The following SLC22A23 variants were observed in gnomAD, a reference collection of about 807,000 sequenced individuals.
SLC22A23 encodes the protein ion transporter protein.
Under a neutral mutation model 61.0 loss-of-function variants are expected in SLC22A23, and 26 were observed. The observed-to-expected ratio is 0.43, with a 90% CI of 0.31 to 0.59. The LOEUF (loss-of-function observed/expected upper bound fraction) is 0.59. SLC22A23 is among the 20% of genes least tolerant of loss of function. SLC22A23 has a pLI of 0.11. For missense variants in SLC22A23, 796 were observed against 934.7 expected, an observed-to-expected ratio of 0.85 and a Z score of 1.94; for synonymous variants, 430 against 413.9, an observed-to-expected ratio of 1.04 and a Z score of -0.47.
intron 4 of SLC22A23, among the ~76,000 whole-genome samples, chr6:3,319,545 G>A (rs751005829): frequency 6.6e-6 from 1 of 152,204 alleles, no homozygotes; most frequent in Non-Finnish European, 1.5e-5. Flanking sequence ...CTCTGGAGAT[G>A]TATCTAGAAT....
At chr6:3,273,481 G>A (rs777588960) in intron 9 of SLC22A23, 69 bp from the exon 10 acceptor site, 61 of 1,561,534 alleles carry the variant, frequency 3.9e-5, no homozygotes, top group South Asian at 1.0e-4. Flanking sequence ...AAAGCTCGGG[G>A]TGGACCAGGA....
intron 4 of SLC22A23, among the ~76,000 whole-genome samples, chr6:3,313,814 A>AG (rs34565732): frequency 0.38 from 58,207 of 152,010 alleles, 11,447 homozygotes; most frequent in East Asian, 0.59. Context: ...TGAGGCTGGG[A>AG]TTCGAGACCA....
intron 3 of SLC22A23, among the ~76,000 whole-genome samples, chr6:3,405,737 A>C (rs971763067): frequency 1.2e-4 from 18 of 152,136 alleles, no homozygotes; most frequent in Non-Finnish European, 1.9e-4. Context: ...AATATATGGG[A>C]TAGTGAGAAA....
intron 3 of SLC22A23, among the ~76,000 whole-genome samples, chr6:3,397,865 A>C (rs1768111728): frequency 6.6e-6 from 1 of 152,180 alleles, no homozygotes; most frequent in Non-Finnish European, 1.5e-5. Flanking sequence ...AAAAAGAGGT[A>C]AGGGAATGAC....
intron 1 of SLC22A23, among the ~76,000 whole-genome samples, chr6:3,420,232 GA>G (rs34794008): frequency 0.39 from 40,277 of 102,600 alleles, 5,606 homozygotes; most frequent in Non-Finnish European, 0.42. Context: ...AGCAAAATGA[GA>G]AAAAAAAAAA....
chr6:3,293,166 C>G (rs1760764312), intron 5 of SLC22A23, among the ~76,000 whole-genome samples: 1 of 152,134 alleles, frequency 6.6e-6, no homozygotes, highest in African/African-American at 2.4e-5. Flanking sequence ...GTGGACGATG[C>G]TAGTGCGTTA....
intron 1 of SLC22A23, among the ~76,000 whole-genome samples, chr6:3,455,019 T>C (rs1039020856): frequency 6.6e-6 from 1 of 152,346 alleles, no homozygotes; most frequent in East Asian, 1.9e-4. Flanking sequence ...AAACTACAAA[T>C]GTCTTGATAT....
At chr6:3,359,900 G>A (rs533291338) in intron 3 of SLC22A23, among the ~76,000 whole-genome samples, 1 of 152,294 alleles carries the variant, frequency 6.6e-6, no homozygotes, top group Admixed American at 6.5e-5. Context: ...ATATGCTATA[G>A]TATAAAGGAA....
rs1313293212 is a variant in SLC22A23 at position 3,270,004 on chromosome 6, C to T, written c.*3051G>A. 1 of 152,704 alleles carries T rather than the reference C, an allele frequency of 6.5e-6. No individual in the cohort carries two copies. The highest frequency in any genetic ancestry group is 1.9e-4 in the East Asian group (1 of 5,338). The allele number at this position is 152,704 out of a possible 1,614,324, so 9.5% of individuals were successfully genotyped here. On this transcript the variant is annotated 3_prime_UTR_variant, in exon 10 of 10. Coordinates refer to ENST00000406686, the MANE Select transcript of SLC22A23 (RefSeq NM_015482.2). ...CTCTCAGTAAACAAAAACATGTAAC[C>T]TTTTTCCTGTTTCTCTTGGGTGGTA...
In SLC22A23 at chr6:3,300,252, G is replaced by A. The variant is rs911897000; in HGVS notation, c.1083-2034C>T. ...TCTCGAACGCCTGACCTCGTGATCC[G>A]CCTGCCTCGGCCTCCCAAAATGCTG... On this transcript the variant is annotated intron_variant, in intron 4 of 9. Coordinates refer to ENST00000406686, the MANE Select transcript of SLC22A23 (RefSeq NM_015482.2). 3.9e-5 allele frequency among the ~76,000 whole-genome samples: 6 copies of A among 152,054 alleles called. No homozygotes were observed. The South Asian group carries it at 8.3e-4, about 21-fold the overall frequency.
chr6:3,408,552 C>A (rs907896081), intron 3 of SLC22A23, among the ~76,000 whole-genome samples: 5 of 152,192 alleles, frequency 3.3e-5, no homozygotes, highest in African/African-American at 1.2e-4. Flanking sequence ...GCAGACATGG[C>A]TAATGGATCA....
At chr6:3,399,679 G>A (rs1768249023) in intron 3 of SLC22A23, among the ~76,000 whole-genome samples, 1 of 152,176 alleles carries the variant, frequency 6.6e-6, no homozygotes, top group South Asian at 2.1e-4. Flanking sequence ...ATACAGATAA[G>A]ATAAATCTTG....
Position 3,271,282 on chromosome 6 carries a change from A to C in SLC22A23, c.*1773T>G, listed in dbSNP as rs1236919143. ...GTGGAGGCAGGGAGAGGCTGGCCAG[A>C]CAGCCTCCCTTCCTGGGTATCTCAA... On this transcript the variant is annotated 3_prime_UTR_variant, in exon 10 of 10. Transcript: ENST00000406686. 2.0e-5 allele frequency: 3 copies of C among 152,246 alleles called. No homozygotes were observed. The highest frequency in any genetic ancestry group is 7.2e-5 in the African/African-American group (3 of 41,414). The allele number at this position is 152,246 out of a possible 1,614,324, so 9.4% of individuals were successfully genotyped here. A position where few individuals can be genotyped will look rare whatever the true frequency, so the allele number is the denominator to read the frequency against.
intron 3 of SLC22A23, among the ~76,000 whole-genome samples, chr6:3,408,541 G>A (rs1210942018): frequency 1.3e-5 from 2 of 152,174 alleles, no homozygotes; most frequent in Non-Finnish European, 2.9e-5. Context: ...CCTTGACACT[G>A]GCAGACATGG....
chr6:3,310,230 C>G (rs1762273893), intron 4 of SLC22A23, among the ~76,000 whole-genome samples: 1 of 146,318 alleles, frequency 6.8e-6, no homozygotes, highest in African/African-American at 2.8e-5. Context: ...CTGTCTCCCA[C>G]TGGAGCACCC....
chr6:3,290,912 C>T (rs1238619075), intron 5 of SLC22A23: 1 of 152,322 alleles, frequency 6.6e-6, no homozygotes, highest in Non-Finnish European at 1.5e-5. Flanking sequence ...TCAAGACTGT[C>T]AAGGTCACCA....
chr6:3,378,642 TTTC>T (rs1166826352), intron 3 of SLC22A23, among the ~76,000 whole-genome samples: 6 of 139,868 alleles, frequency 4.3e-5, no homozygotes, highest in Non-Finnish European at 9.0e-5. Flanking sequence ...AGACTTTTTT[TTTC>T]TTTTCTTTTT....
At chr6:3,401,447 T>C (rs1768386744) in intron 3 of SLC22A23, among the ~76,000 whole-genome samples, 1 of 149,920 alleles carries the variant, frequency 6.7e-6, no homozygotes, top group South Asian at 2.1e-4. Flanking sequence ...ACTTTCTTTC[T>C]AAAATACTTG....
intron 3 of SLC22A23, among the ~76,000 whole-genome samples, chr6:3,392,023 T>C (rs1185036570): frequency 1.3e-5 from 2 of 151,948 alleles, no homozygotes; most frequent in Non-Finnish European, 2.9e-5. Context: ...GAATGCACGA[T>C]GGAAGCTGTT....
Sources: allele counts gnomAD v4.1 joint callset (sites outside exome capture counted in the v4.1 genomes callset), GRCh38; gene constraint gnomAD v4.1.1; transcripts MANE v1.5; gene names NCBI Gene and HGNC (gene_info 2026-07-23, HGNC 2026-07-21).